Variants in SLC12A4 observed in about 807,000 individuals in gnomAD.
SLC12A4 encodes the protein electroneutral potassium-chloride cotransporter 1.
In SLC12A4, 84 loss-of-function variants were observed where a neutral mutation model predicts 119.2. That is an observed-to-expected ratio of 0.70 (90% CI 0.59 to 0.85). SLC12A4 has a LOEUF of 0.85. SLC12A4 is among the 40% of genes least tolerant of loss of function. The pLI is 0.00. For missense variants in SLC12A4, 1,298 were observed against 1,476.3 expected, an observed-to-expected ratio of 0.88 and a Z score of 1.98; for synonymous variants, 599 against 604.6, an observed-to-expected ratio of 0.99 and a Z score of 0.14.
At chr16:67,948,775 G>A (rs927889149) in intron 13 of SLC12A4, among the ~76,000 whole-genome samples, 1 of 152,308 alleles carries the variant, frequency 6.6e-6, no homozygotes, top group East Asian at 1.9e-4. Flanking sequence ...GGGCACAAGG[G>A]GGGTCACCAC....
chr16:67,948,650 A>C (rs2058379319), intron 13 of SLC12A4, among the ~76,000 whole-genome samples: 1 of 152,206 alleles, frequency 6.6e-6, no homozygotes, highest in South Asian at 2.1e-4. Flanking sequence ...GCCCTCCAGG[A>C]AGGCACCCGA....
intron 17 of SLC12A4, 99 bp from the exon 18 acceptor site, chr16:67,946,732 G>C (rs2058355231): frequency 4.3e-6 from 6 of 1,401,306 alleles, no homozygotes; most frequent in African/African-American, 1.4e-5. Context: ...TTTGGGTGGA[G>C]GAGGGCCTGG....
chr16:67,950,253 T>C lies in SLC12A4; in HGVS notation c.1629+66A>G. 6.4e-7 allele frequency: 1 copy of C among 1,561,034 alleles called. No homozygotes were observed. The highest frequency in any genetic ancestry group is 1.4e-5 in the African/African-American group (1 of 73,428). On this transcript the variant is annotated intron_variant, in intron 12 of 23. Transcript: ENST00000316341. The surrounding 1 kb of genome is among the most constrained non-coding windows in gnomAD (Gnocchi z 4.3). ...GGACGTGCTGCATCTGTGTTCCCTA[T>C]CTCTCTCCCCAGCCGGGCGAGGGCC... is the stretch of plus-strand genomic sequence containing the variant.
chr16:67,958,069 C>T (rs78818722), intron 3 of SLC12A4, 25 bp from the exon 4 acceptor site: 95,847 of 1,607,620 alleles, frequency 0.06, 3,272 homozygotes, highest in Middle Eastern at 0.094. Context: ...AGGGAGGGGG[C>T]GAGTAGAGCA....
At position 67,952,401 on chromosome 16, in the gene SLC12A4, T is replaced by C. The variant is rs1458378232; in HGVS notation, c.700A>G (p.Ile234Val). 20 of 1,614,000 alleles carry C rather than the reference T, an allele frequency of 1.2e-5. No individual in the cohort carries two copies. The highest frequency in any genetic ancestry group is 1.6e-5 in the Non-Finnish European group (19 of 1,179,996). ...TCATGAGCACCCGATGGGTAAAAAA[T>C]GGCAGCTGGTGGGGCAATGTAGGTC... ...LLTYIAPPAA[I>V]FYPSGAHDTS... The change falls in exon 7 of 24, where the codon ATT becomes GTT. Residue 234 changes from isoleucine (I) to valine (V), a missense_variant. Transcript: ENST00000316341.
chr16:67,947,245 G>C (rs1227881893), intron 16 of SLC12A4, 86 bp downstream of exon 16: 1 of 1,500,432 alleles, frequency 6.7e-7, no homozygotes, highest in Admixed American at 1.9e-5. Flanking sequence ...GCCCCAGGAT[G>C]GGGAGCCGGC....
chr16:67,947,254 G>A (rs2058361689), intron 16 of SLC12A4, 77 bp downstream of exon 16: 4 of 1,510,882 alleles, frequency 2.6e-6, no homozygotes, highest in Admixed American at 1.9e-5. Flanking sequence ...TGGGGAGCCG[G>A]CACCTCTCGA....
intron 3 of SLC12A4, among the ~76,000 whole-genome samples, chr16:67,960,221 C>G (rs954514311): frequency 3.3e-5 from 5 of 152,232 alleles, no homozygotes; most frequent in African/African-American, 1.2e-4. Flanking sequence ...CCACCAGCTC[C>G]CTGGCTTGGC....
chr16:67,944,300 G>A lies in SLC12A4; in HGVS notation c.*540C>T, dbSNP rs529402495. On this transcript the variant is annotated 3_prime_UTR_variant, in exon 24 of 24. Transcript: ENST00000316341. This position sits in a 1 kb window ranked among gnomAD's most constrained non-coding sequence, Gnocchi z 6.6. ...GTTCCGCCTTCTTCTCTTGGCGCCAGGGGAAACAGAGCCGGGGCAGCAGGA... is the reference window on the plus strand; with the variant it reads ...GTTCCGCCTTCTTCTCTTGGCGCCAAGGGAAACAGAGCCGGGGCAGCAGGA... The A allele has an allele frequency of 7.8e-5, 110 of 1,411,142 alleles. No homozygotes were observed. In the African/African-American group the frequency reaches 1.5e-3, roughly 19 times the overall value. 87.4% of individuals were successfully genotyped at this position (1,411,142 alleles called of 1,614,324 possible). A position where few individuals can be genotyped will look rare whatever the true frequency, so the allele number is the denominator to read the frequency against.
At chr16:67,953,558 A>G (rs971647638) in intron 6 of SLC12A4, among the ~76,000 whole-genome samples, 4 of 152,206 alleles carry the variant, frequency 2.6e-5, no homozygotes, top group African/African-American at 9.7e-5. Context: ...AGTGACTGCT[A>G]ATGGGGGTTC....
chr16:67,945,308 G>GCCCCA, intron 22 of SLC12A4, 61 bp downstream of exon 22: 1 of 1,572,900 alleles, frequency 6.4e-7, no homozygotes. Context: ...CTACTTGTCT[G>GCCCCA]CCCCACCCCA....
In SLC12A4 at chr16:67,946,297, C is replaced by T. The variant is rs1242248669; in HGVS notation, c.2481G>A (p.Val827=). 1.2e-6 allele frequency: 2 copies of T among 1,612,646 alleles called. No individual in the cohort carries two copies. Among genetic ancestry groups the T allele is most frequent in the Non-Finnish European group, 1.7e-6 (2 of 1,180,030 alleles). ...CTTAAHLALL[V]PKNIAFYPSN... is the part of the protein sequence containing the mutation. ...TGGGGTAGAAGGCGATGTTCTTGGGCACGAGCAGGGCCAGGTGGGCAGCCG... is the reference window on the plus strand; with the variant it reads ...TGGGGTAGAAGGCGATGTTCTTGGGTACGAGCAGGGCCAGGTGGGCAGCCG... Residue 827 remains valine (V), a synonymous_variant, in exon 19 of 24, where the codon GTG becomes GTA. Coordinates refer to ENST00000316341, the MANE Select transcript of SLC12A4 (RefSeq NM_005072.5).
Position 67,946,606 on chromosome 16 carries a change from T to C in SLC12A4, c.2269A>G (p.Lys757Glu), listed in dbSNP as rs769686450. ...ACCACCTGGCAGAAGCCCTTCACCT[T>C]CTCAATTTCCATCATGTTCTTGATG... ...QTIKNMMEIE[K>E]VKGFCQVVVA... Residue 757 changes from lysine (K) to glutamate (E), a missense_variant, in exon 18 of 24, where the codon AAG (lysine) becomes GAG (glutamate). Lys to Glu is a moderately conservative substitution (Grantham distance 56). Transcript: ENST00000316341. 1.2e-5 allele frequency: 19 copies of C among 1,612,882 alleles called. No homozygotes were observed. The South Asian group carries it at 1.5e-4, about 13-fold the overall frequency.
chr16:67,948,704 CA>C (rs1325848324), intron 13 of SLC12A4, among the ~76,000 whole-genome samples: 2 of 152,180 alleles, frequency 1.3e-5, no homozygotes, highest in Non-Finnish European at 2.9e-5. Context: ...CAGGGCATGC[CA>C]GGGGGCAGGG....
In SLC12A4 at chr16:67,943,532, C is replaced by T. The variant is rs1598205049; in HGVS notation, c.*1308G>A. 3 of 515,138 alleles carry T rather than the reference C, an allele frequency of 5.8e-6. No homozygotes were observed. The Admixed American group carries it at 9.7e-5, about 17-fold the overall frequency. 31.9% of individuals were successfully genotyped at this position (515,138 alleles called of 1,614,324 possible). On this transcript the variant is annotated 3_prime_UTR_variant, in exon 24 of 24. Coordinates refer to ENST00000316341, the MANE Select transcript of SLC12A4 (RefSeq NM_005072.5). This position sits in a 1 kb window ranked among gnomAD's most constrained non-coding sequence, Gnocchi z 4.6. ...AGGTGGGAACAGATAGGTCTGGGGG[C>T]ATGGGGGCTGGGCCTAATAGGGGCC...
In SLC12A4 at chr16:67,944,166, G is replaced by C; in HGVS notation, c.*674C>G. 1 of 1,521,060 alleles carries C rather than the reference G, an allele frequency of 6.6e-7. No homozygotes were observed. Among genetic ancestry groups the C allele is most frequent in the Non-Finnish European group, 8.9e-7 (1 of 1,127,092 alleles). 94.2% of individuals were successfully genotyped at this position (1,521,060 alleles called of 1,614,324 possible). A position where few individuals can be genotyped will look rare whatever the true frequency, so the allele number is the denominator to read the frequency against. ...GCTGTCCTTATCTGGTGTGGGAGTGGGAGGGGCCCTAGGGCCAGTGGGAGG... is the reference window on the plus strand; with the variant it reads ...GCTGTCCTTATCTGGTGTGGGAGTGCGAGGGGCCCTAGGGCCAGTGGGAGG... On this transcript the variant is annotated 3_prime_UTR_variant, in exon 24 of 24. Transcript: ENST00000316341. This position sits in a 1 kb window ranked among gnomAD's most constrained non-coding sequence, Gnocchi z 6.6.
Position 67,944,373 on chromosome 16 carries a change from A to G in SLC12A4, c.*467T>C, listed in dbSNP as rs765058730. 1.2e-5 allele frequency: 16 copies of G among 1,340,166 alleles called. No homozygotes were observed. The highest frequency in any genetic ancestry group is 1.5e-5 in the African/African-American group (1 of 68,180). 83.0% of individuals were successfully genotyped at this position (1,340,166 alleles called of 1,614,324 possible). ...TATTGAAAAAGTCAGGCCTCAGCTC[A>G]GCTGTCTCCATTCGGCTCAGCTTGG... On this transcript the variant is annotated 3_prime_UTR_variant, in exon 24 of 24. Transcript: ENST00000316341. This position sits in a 1 kb window ranked among gnomAD's most constrained non-coding sequence, Gnocchi z 6.6.
chr16:67,965,650 C>T (rs1170961774), intron 1 of SLC12A4, among the ~76,000 whole-genome samples: 1 of 152,210 alleles, frequency 6.6e-6, no homozygotes, highest in Non-Finnish European at 1.5e-5. Context: ...TCTGGGTAGA[C>T]TGTATTGCTA....
chr16:67,965,227 C>T (rs2030809524), intron 1 of SLC12A4, among the ~76,000 whole-genome samples: 1 of 152,174 alleles, frequency 6.6e-6, no homozygotes. Flanking sequence ...AATCTGAAAA[C>T]CCAGTAACAC....
Sources: allele counts gnomAD v4.1 joint callset (sites outside exome capture counted in the v4.1 genomes callset), GRCh38; gene constraint gnomAD v4.1.1; non-coding constraint Gnocchi (gnomAD v3.1); transcripts MANE v1.5; gene names NCBI Gene and HGNC (gene_info 2026-07-23, HGNC 2026-07-21).